Variants in CCDC178 observed in about 807,000 individuals in gnomAD.
CCDC178 encodes the protein coiled-coil domain-containing protein 178.
In CCDC178, 126 loss-of-function variants were observed where a neutral mutation model predicts 117.4. The ratio of observed to expected loss-of-function variants is 1.07; its 90% CI spans 0.93 to 1.24. The LOEUF is 1.24. Among genes scored for constraint, CCDC178 ranks in the 50% most tolerant of loss-of-function variants. The probability of loss-of-function intolerance (pLI) is 0.00; values close to 1 mark genes in which losing one functional copy is unlikely to be tolerated. For missense variants in CCDC178, 1,030 were observed against 986.9 expected (o/e 1.04, Z -0.59); for synonymous variants, 283 against 313.4 (o/e 0.90, Z 1.02).
intron 2 of CCDC178, among the ~76,000 whole-genome samples, chr18:33,422,398 C>T (rs2064038421): frequency 6.6e-6 from 1 of 152,136 alleles, no homozygotes; most frequent in African/African-American, 2.4e-5. Context: ...TTACATTACA[C>T]TTTTATGATC....
intron 20 of CCDC178, among the ~76,000 whole-genome samples, chr18:33,135,341 G>C (rs763101970): frequency 6.6e-6 from 1 of 151,668 alleles, no homozygotes; most frequent in Non-Finnish European, 1.5e-5. Flanking sequence ...CATTTAGATG[G>C]CACACAAAAA....
intron 11 of CCDC178, among the ~76,000 whole-genome samples, chr18:33,296,568 A>G (rs535697153): frequency 1.2e-4 from 19 of 152,340 alleles, no homozygotes; most frequent in African/African-American, 4.3e-4. Context: ...CTATGAGTCT[A>G]TAATTATTTA....
At chr18:33,425,397 C>T (rs1027172446) in intron 2 of CCDC178, among the ~76,000 whole-genome samples, 10 of 152,198 alleles carry the variant, frequency 6.6e-5, no homozygotes, top group African/African-American at 9.6e-5. Flanking sequence ...TACAGGGACT[C>T]ACATGCTGTC....
intron 6 of CCDC178, among the ~76,000 whole-genome samples, chr18:33,368,813 T>C (rs1482945275): frequency 6.6e-6 from 1 of 152,024 alleles, no homozygotes; most frequent in Non-Finnish European, 1.5e-5. Context: ...GTCTGACTTA[T>C]ATTAGTTTTT....
At chr18:33,316,391 C>T (rs1460401734) in intron 11 of CCDC178, among the ~76,000 whole-genome samples, 1 of 152,184 alleles carries the variant, frequency 6.6e-6, no homozygotes, top group Admixed American at 6.5e-5. Flanking sequence ...TCGATTTCTC[C>T]CCGGGCCTTA....
chr18:33,217,074 C>G (rs2059175248), intron 18 of CCDC178, among the ~76,000 whole-genome samples: 1 of 152,010 alleles, frequency 6.6e-6, no homozygotes, highest in South Asian at 2.1e-4. Context: ...ATTTATTTAG[C>G]TAATATATTT....
intron 21 of CCDC178, among the ~76,000 whole-genome samples, chr18:33,014,457 G>T (rs919704844): frequency 2.0e-5 from 3 of 152,204 alleles, no homozygotes; most frequent in Non-Finnish European, 4.4e-5. Flanking sequence ...TGTCTTTAAA[G>T]GGTCTTTGAA....
chr18:33,310,724 C>A lies in CCDC178; in HGVS notation c.1022+12767G>T, dbSNP rs2062329375. Among the ~76,000 whole-genome samples, 4 of 152,030 alleles carry A rather than the reference C, an allele frequency of 2.6e-5. No homozygotes were observed. The South Asian group carries it at 8.3e-4, about 32-fold the overall frequency. ...ATTTATAATAGTTTAAGATTGGCCCCCTATGTTAAAATAATATTTTCTTAA... is the reference window on the plus strand; with the variant it reads ...ATTTATAATAGTTTAAGATTGGCCCACTATGTTAAAATAATATTTTCTTAA... On this transcript the variant is annotated intron_variant, in intron 11 of 22. Coordinates refer to ENST00000383096, the MANE Select transcript of CCDC178 (RefSeq NM_001105528.4).
chr18:33,292,541 T>A (rs1413064102), intron 12 of CCDC178, among the ~76,000 whole-genome samples: 1 of 152,014 alleles, frequency 6.6e-6, no homozygotes, highest in Non-Finnish European at 1.5e-5. Context: ...TAATAATTCA[T>A]TCTGTATTTT....
chr18:33,160,636 G>A (rs1324101294), intron 20 of CCDC178, among the ~76,000 whole-genome samples: 1 of 152,072 alleles, frequency 6.6e-6, no homozygotes, highest in Non-Finnish European at 1.5e-5. Context: ...TGGGCTCGGG[G>A]TTTATTTCCT....
chr18:33,082,420 C>T (rs541713260), intron 21 of CCDC178, among the ~76,000 whole-genome samples: 9 of 152,178 alleles, frequency 5.9e-5, no homozygotes, highest in African/African-American at 1.2e-4. Context: ...TGCAGTGAGC[C>T]GAGATCACGT....
chr18:33,088,852 G>A (rs1003788048), intron 21 of CCDC178, among the ~76,000 whole-genome samples: 2 of 152,108 alleles, frequency 1.3e-5, no homozygotes, highest in Non-Finnish European at 2.9e-5. Flanking sequence ...ATTTGAACAT[G>A]AGTAAAGAAA....
chr18:32,995,948 T>TATCTATATCTAC (rs56101101), intron 21 of CCDC178, among the ~76,000 whole-genome samples: 1 of 151,578 alleles, frequency 6.6e-6, no homozygotes, highest in African/African-American at 2.4e-5. Context: ...TCTATATCTA[T>TATCTATATCTAC]GTCTCTCTCT....
At chr18:33,172,198 T>A (rs1344208091) in intron 20 of CCDC178, among the ~76,000 whole-genome samples, 1 of 152,168 alleles carries the variant, frequency 6.6e-6, no homozygotes, top group Non-Finnish European at 1.5e-5. Context: ...CCCAGCCAAT[T>A]CTTTTTAAAA....
chr18:33,183,855 C>G (rs781698104), intron 20 of CCDC178, among the ~76,000 whole-genome samples: 43 of 152,094 alleles, frequency 2.8e-4, no homozygotes, highest in Non-Finnish European at 2.7e-4. Flanking sequence ...GTTCAGGTAG[C>G]CTTTAGGAAG....
chr18:33,170,869 T>C (rs750213579), intron 20 of CCDC178, among the ~76,000 whole-genome samples: 23 of 152,122 alleles, frequency 1.5e-4, no homozygotes, highest in Non-Finnish European at 3.1e-4. Flanking sequence ...TTCTGGCCAT[T>C]CTTATAACAA....
Position 33,328,082 on chromosome 18 carries a change from GATTTTTTTTTT to G in CCDC178, c.880-4460_880-4450del, listed in dbSNP as rs1413921537. 1.2e-4 allele frequency: 31 copies of G among 249,104 alleles called. 2 individuals carry two copies. The highest frequency in any genetic ancestry group is 4.3e-4 in the African/African-American group (13 of 30,430). The allele number at this position is 249,104 out of a possible 1,614,324, so 15.4% of individuals were successfully genotyped here. A position where few individuals can be genotyped will look rare whatever the true frequency, so the allele number is the denominator to read the frequency against. On this transcript the variant is annotated intron_variant, in intron 10 of 22. Transcript: ENST00000383096. ...CCAAGGTCATAAAGATTTATCCCTA[GATTTTTTTTTT>G]TTTTTTTTTTTTTTTTTTTTTTTTT...
At chr18:33,302,785 C>A (rs1052025906) in intron 11 of CCDC178, among the ~76,000 whole-genome samples, 28 of 152,032 alleles carry the variant, frequency 1.8e-4, no homozygotes, top group African/African-American at 4.3e-4. Context: ...TGTTCTCACT[C>A]ATGTATGGAA....
chr18:33,354,053 C>T (rs941323604), intron 7 of CCDC178, among the ~76,000 whole-genome samples: 37 of 152,042 alleles, frequency 2.4e-4, no homozygotes, highest in African/African-American at 7.5e-4. Flanking sequence ...TTGCTAGATT[C>T]GGAATTCTTC....
Sources: gnomAD v4.1 joint callset for allele counts (sites outside exome capture counted in the v4.1 genomes callset) on GRCh38, gnomAD v4.1.1 for gene constraint, MANE v1.5 for transcripts, NCBI Gene and HGNC (gene_info 2026-07-23, HGNC 2026-07-21) for gene names.